The following CEMIP2 variants were observed in gnomAD, a reference collection of about 807,000 sequenced individuals.
The protein encoded by CEMIP2 is cell surface hyaluronidase CEMIP2.
Under a neutral mutation model 146.9 loss-of-function variants are expected in CEMIP2, and 79 were observed. The ratio of observed to expected loss-of-function variants is 0.54; its 90% CI spans 0.45 to 0.65. The LOEUF (loss-of-function observed/expected upper bound fraction) is 0.65. CEMIP2 is among the 30% of genes least tolerant of loss of function. The pLI is 0.00. For synonymous variants in CEMIP2, 601 were observed against 606.3 expected (o/e 0.99, Z 0.13); for missense variants, 1,596 against 1,696.2 (o/e 0.94, Z 1.04).
At chr9:71,728,459 G>C (rs556130628) in intron 10 of CEMIP2, among the ~76,000 whole-genome samples, 2 of 149,024 alleles carry the variant, frequency 1.3e-5, no homozygotes, top group South Asian at 4.3e-4. Context: ...TTCAACCTGG[G>C]TGACAGAGCA....
Position 71,750,036 on chromosome 9 carries a change from C to A in CEMIP2, c.331+7G>T, listed in dbSNP as rs1412036614. On this transcript the variant is annotated splice_region_variant and intron_variant, in intron 2 of 23. Transcript: ENST00000377044. ...AATATGTTCTATGTGCATATACACACACTTACCATCTGGAGCATATTTTGA... is the reference window on the plus strand; with the variant it reads ...AATATGTTCTATGTGCATATACACAAACTTACCATCTGGAGCATATTTTGA... The A allele has an allele frequency of 1.3e-6, 2 of 1,588,188 alleles. No homozygotes were observed. The highest frequency in any genetic ancestry group is 1.7e-6 in the Non-Finnish European group (2 of 1,167,040).
chr9:71,736,624 A>C (rs1049614491), intron 5 of CEMIP2, among the ~76,000 whole-genome samples: 11 of 152,204 alleles, frequency 7.2e-5, no homozygotes, highest in Admixed American at 2.6e-4. Context: ...CAGGAACTGA[A>C]AATCTGATCC....
At chr9:71,712,025 G>A in intron 16 of CEMIP2, 58 bp downstream of exon 16, 1 of 1,572,124 alleles carries the variant, frequency 6.4e-7, no homozygotes, top group Non-Finnish European at 8.7e-7. Flanking sequence ...CTTTGGGAAT[G>A]TGCTATCCCT....
chr9:71,722,595 T>G, intron 11 of CEMIP2, 80 bp from the exon 12 acceptor site: 1 of 1,166,474 alleles, frequency 8.6e-7, no homozygotes, highest in Non-Finnish European at 1.2e-6. Context: ...TGAAAATAGA[T>G]TTTAGCTTAT....
chr9:71,723,046 G>A, intron 11 of CEMIP2, among the ~76,000 whole-genome samples: 1 of 150,004 alleles, frequency 6.7e-6, no homozygotes. Flanking sequence ...GGAGGAGGTG[G>A]GAGGAAGGAG....
chr9:71,719,193 A>G (rs943271488), intron 12 of CEMIP2, among the ~76,000 whole-genome samples: 4 of 152,210 alleles, frequency 2.6e-5, no homozygotes, highest in Non-Finnish European at 5.9e-5. Flanking sequence ...GAGATTTTCA[A>G]CCAGTGAGGA....
intron 21 of CEMIP2, among the ~76,000 whole-genome samples, chr9:71,692,827 G>A (rs1439726341): frequency 6.6e-6 from 1 of 152,078 alleles, no homozygotes; most frequent in Non-Finnish European, 1.5e-5. Context: ...AATTTAGCCT[G>A]GGAGGTGGAG....
chr9:71,751,257 C>G (rs148686157), intron 1 of CEMIP2, among the ~76,000 whole-genome samples: 1 of 152,254 alleles, frequency 6.6e-6, no homozygotes, highest in Non-Finnish European at 1.5e-5. Flanking sequence ...CTCCATTTTT[C>G]CCAGCCCCTG....
At position 71,685,168 on chromosome 9, in the gene CEMIP2, T is replaced by TC. The variant is rs1391994346; in HGVS notation, c.*28dup. 2.6e-6 allele frequency: 4 copies of TC among 1,542,614 alleles called. No individual in the cohort carries two copies. Among genetic ancestry groups the TC allele is most frequent in the African/African-American group, 2.8e-5 (2 of 72,136 alleles). On this transcript the variant is annotated 3_prime_UTR_variant, in exon 24 of 24. Coordinates refer to ENST00000377044, the MANE Select transcript of CEMIP2 (RefSeq NM_013390.3). Reference sequence around the variant, plus strand: ...TAAATAAGTTAGTTCACATTTTTTTTCCCCCAGCACTTAAGTTACAGTTAG... The same window carrying TC: ...TAAATAAGTTAGTTCACATTTTTTTTCCCCCCAGCACTTAAGTTACAGTTAG...
At chr9:71,764,203 A>T (rs1824720259) in intron 1 of CEMIP2, among the ~76,000 whole-genome samples, 1 of 152,194 alleles carries the variant, frequency 6.6e-6, no homozygotes. Context: ...AGCTAATGCT[A>T]TTTTTACACT....
At chr9:71,733,790 G>C in intron 6 of CEMIP2, among the ~76,000 whole-genome samples, 1 of 152,194 alleles carries the variant, frequency 6.6e-6, no homozygotes, top group Middle Eastern at 3.4e-3. Context: ...ATGAGTGCCC[G>C]GTAAGTGTCA....
intron 10 of CEMIP2, among the ~76,000 whole-genome samples, chr9:71,727,666 C>T (rs965314569): frequency 5.9e-5 from 9 of 152,162 alleles, no homozygotes; most frequent in African/African-American, 2.2e-4. Flanking sequence ...TTTAAATAGC[C>T]ATGATGTATA....
Position 71,732,421 on chromosome 9 carries a change from A to G in CEMIP2, c.1493T>C (p.Val498Ala). Residue 498 changes from valine (V) to alanine (A), a missense_variant, in exon 7 of 24, where the codon GTG (valine) becomes GCG (alanine). Val to Ala is a moderately conservative substitution (Grantham distance 64). Transcript: ENST00000377044. ...LTRNIVIQGE[V>A]EDSCYAENQC... ...ATTTTCTGCGTAGCATGAGTCCTCC[A>G]CTTCTCCTTGGATCACAATATTCCG... The G allele has an allele frequency of 6.2e-7, 1 of 1,613,976 alleles. No homozygotes were observed.
chr9:71,704,803 C>A lies in CEMIP2; in HGVS notation c.2986G>T (p.Val996Phe). The A allele has an allele frequency of 6.2e-7, 1 of 1,611,898 alleles. No individual in the cohort carries two copies. Among genetic ancestry groups the A allele is most frequent in the Non-Finnish European group, 8.5e-7 (1 of 1,178,370 alleles). ...TGAGTGCTCCATGTCTGTACATAGA[C>A]CTTGAAAAAATAATCAAGAAGTAAA... ...AVICSGTYAQ[V>F]YVQTWSTQNL... The change falls in exon 18 of 24, where the codon GTC (valine) becomes TTC (phenylalanine). Residue 996 changes from valine to phenylalanine, a missense_variant and splice_region_variant. Transcript: ENST00000377044.
chr9:71,698,049 G>A lies in CEMIP2; in HGVS notation c.3533C>T (p.Pro1178Leu), dbSNP rs753231373. The A allele has an allele frequency of 1.9e-5, 30 of 1,614,100 alleles. No homozygotes were observed. In the South Asian group the frequency reaches 2.3e-4, roughly 12 times the overall value. Residue 1178 changes from proline (P) to leucine (L), a missense_variant, in exon 20 of 24, where the codon CCG (proline) becomes CTG (leucine). Coordinates refer to ENST00000377044, the MANE Select transcript of CEMIP2 (RefSeq NM_013390.3). ...AKAYPQYYRKPSVVKRMPAML... is the reference protein window; with the variant it reads ...AKAYPQYYRKLSVVKRMPAML... ...GGCCGGCATCCGCTTGACCACTGAC[G>A]GCTTTCTGTAGTACTGTGGGTATGC... is the stretch of plus-strand genomic sequence containing the variant.
At chr9:71,696,768 T>C (rs1025672190) in intron 20 of CEMIP2, among the ~76,000 whole-genome samples, 1 of 151,746 alleles carries the variant, frequency 6.6e-6, no homozygotes, top group African/African-American at 2.4e-5. Context: ...AGACTCCATC[T>C]CAACAACAAC....
At chr9:71,699,772 TCTC>T in intron 19 of CEMIP2, among the ~76,000 whole-genome samples, 1 of 152,260 alleles carries the variant, frequency 6.6e-6, no homozygotes, top group Admixed American at 6.5e-5. Flanking sequence ...TCTTTTTCCA[TCTC>T]CTCCTAAGTG....
rs1348576005 is a variant in CEMIP2, at chr9:71,750,256, G to A, written c.118C>T (p.Pro40Ser). ...GKVVPLRPPP[P>S]PKSQASAKFT... ...TTGGCTGAAGCTTGACTCTTTGGAG[G>A]AGGAGGGGGACGCAATGGGACAACC... The change falls in exon 2 of 24, where the codon CCT (proline) becomes TCT (serine). Residue 40 changes from proline (P) to serine (S), a missense_variant. By Grantham distance (74) the Pro-to-Ser change is moderately conservative. Transcript: ENST00000377044. 6.2e-7 allele frequency: 1 copy of A among 1,614,022 alleles called. No homozygotes were observed.
chr9:71,766,362 T>C (rs1824796554), intron 1 of CEMIP2, among the ~76,000 whole-genome samples: 1 of 152,142 alleles, frequency 6.6e-6, no homozygotes, highest in Non-Finnish European at 1.5e-5. Context: ...CGTGAGCCAA[T>C]TGTGCCCGGC....
Sources: gnomAD v4.1 joint callset for allele counts (sites outside exome capture counted in the v4.1 genomes callset) on GRCh38, gnomAD v4.1.1 for gene constraint, MANE v1.5 for transcripts, NCBI Gene and HGNC (gene_info 2026-07-23, HGNC 2026-07-21) for gene names.